The following ADIPOR2 variants were observed in gnomAD, a reference collection of about 807,000 sequenced individuals.
ADIPOR2 encodes adiponectin receptor protein 2.
A neutral mutation model predicts 40.9 loss-of-function variants in ADIPOR2; 18 were observed. That is an observed-to-expected ratio of 0.44 (90% confidence interval 0.30 to 0.65). The LOEUF is 0.65. Among genes scored for constraint, ADIPOR2 ranks in the 30% least tolerant of loss-of-function variants. The pLI, the probability that ADIPOR2 is intolerant of heterozygous loss-of-function variation, is 0.09. For missense variants in ADIPOR2, 283 were observed against 479.2 expected, an observed-to-expected ratio of 0.59 and a Z score of 3.82; for synonymous variants, 165 against 166.4, an observed-to-expected ratio of 0.99 and a Z score of 0.06.
chr12:1,777,815 C>T (rs1171851888), intron 3 of ADIPOR2, 39 bp from the exon 4 acceptor site: 1 of 1,582,752 alleles, frequency 6.3e-7, no homozygotes, highest in Admixed American at 1.8e-5. Flanking sequence ...AAATTGACAA[C>T]TAAAATCACA....
chr12:1,753,179 A>G (rs1426791955), intron 1 of ADIPOR2, among the ~76,000 whole-genome samples: 8 of 152,192 alleles, frequency 5.3e-5, no homozygotes, highest in Admixed American at 5.2e-4. Context: ...TTCCCCACTA[A>G]GAACCTTGAA....
intron 1 of ADIPOR2, among the ~76,000 whole-genome samples, chr12:1,721,298 C>T (rs35018150): frequency 0.14 from 21,242 of 148,536 alleles, 1,634 homozygotes; most frequent in Admixed American, 0.24. Flanking sequence ...TCACTGCAAC[C>T]TCCACCTCCC....
At chr12:1,721,182 C>T (rs1400609573) in intron 1 of ADIPOR2, among the ~76,000 whole-genome samples, 3 of 150,110 alleles carry the variant, frequency 2.0e-5, no homozygotes, top group Non-Finnish European at 4.4e-5. Context: ...GGAGCGTCCT[C>T]AACCTAGGCA....
rs1169281305 is a variant in ADIPOR2, at chr12:1,780,191, T to C, written c.464-260T>C. The C allele has an allele frequency of 2.8e-5, 9 of 324,720 alleles. No homozygotes were observed. The East Asian group carries it at 4.2e-4, about 15-fold the overall frequency. 20.1% of individuals were successfully genotyped at this position (324,720 alleles called of 1,614,324 possible). On this transcript the variant is annotated intron_variant, in intron 4 of 7. Coordinates refer to ENST00000357103, the MANE Select transcript of ADIPOR2 (RefSeq NM_024551.3). ...TCTTCTAAGAAGTAGCAGCAGTGTC[T>C]GATTTCTTTTTAGATTATGCCCTTA... is the stretch of plus-strand genomic sequence containing the variant.
chr12:1,720,145 G>A (rs1430810187), intron 1 of ADIPOR2, among the ~76,000 whole-genome samples: 2 of 152,182 alleles, frequency 1.3e-5, no homozygotes, highest in South Asian at 2.1e-4. Flanking sequence ...AAAGAATAAA[G>A]GAGTTAGTAT....
chr12:1,773,660 G>T (rs1862531967), intron 3 of ADIPOR2, among the ~76,000 whole-genome samples: 2 of 151,802 alleles, frequency 1.3e-5, no homozygotes, highest in African/African-American at 4.8e-5. Flanking sequence ...AATGTAAGTC[G>T]ATCAGTCTGT....
intron 1 of ADIPOR2, among the ~76,000 whole-genome samples, chr12:1,723,833 T>C: frequency 6.6e-6 from 1 of 152,116 alleles, no homozygotes; most frequent in Non-Finnish European, 1.5e-5. Context: ...GGGTATATAC[T>C]CAAAAGAACT....
At chr12:1,778,219 T>A in intron 4 of ADIPOR2, 194 bp downstream of exon 4, 2 of 557,432 alleles carry the variant, frequency 3.6e-6, no homozygotes, top group Non-Finnish European at 5.7e-6. Flanking sequence ...TGTTATAACT[T>A]AAGTTATATT....
At chr12:1,720,990 G>C (rs1445165707) in intron 1 of ADIPOR2, among the ~76,000 whole-genome samples, 2 of 152,064 alleles carry the variant, frequency 1.3e-5, no homozygotes, top group Non-Finnish European at 2.9e-5. Context: ...TAACCTGGAA[G>C]CTCCCTCCCT....
intron 1 of ADIPOR2, among the ~76,000 whole-genome samples, chr12:1,724,689 T>G (rs747374347): frequency 2.4e-4 from 37 of 152,178 alleles, no homozygotes; most frequent in Non-Finnish European, 4.7e-4. Flanking sequence ...CTAATTTTTT[T>G]GTTTTGTTTT....
intron 1 of ADIPOR2, among the ~76,000 whole-genome samples, chr12:1,712,582 C>T (rs1329844862): frequency 3.3e-5 from 5 of 152,068 alleles, no homozygotes. Flanking sequence ...GAAGTTTTGT[C>T]TTGTGGGAAG....
intron 1 of ADIPOR2, among the ~76,000 whole-genome samples, chr12:1,707,250 A>G (rs1440213178): frequency 6.6e-6 from 1 of 152,184 alleles, no homozygotes; most frequent in South Asian, 2.1e-4. Flanking sequence ...CTTTTTGTGG[A>G]CTTAAGTTTT....
At chr12:1,778,061 C>T (rs1862636290) in intron 4 of ADIPOR2, 36 bp downstream of exon 4, 5 of 1,570,448 alleles carry the variant, frequency 3.2e-6, no homozygotes, top group Non-Finnish European at 4.3e-6. Context: ...GCTGGTGATT[C>T]ACTTTCTTCC....
chr12:1,770,065 G>A (rs545709944), intron 2 of ADIPOR2, among the ~76,000 whole-genome samples: 1 of 151,802 alleles, frequency 6.6e-6, no homozygotes, highest in East Asian at 1.9e-4. Flanking sequence ...CTGCAGACAG[G>A]CACGCAACAC....
chr12:1,757,909 G>A, intron 2 of ADIPOR2: 1 of 841,416 alleles, frequency 1.2e-6, no homozygotes, highest in Non-Finnish European at 2.1e-6. Flanking sequence ...AACTTGTGGG[G>A]ACTAGTGGAT....
intron 2 of ADIPOR2, among the ~76,000 whole-genome samples, chr12:1,767,620 A>C (rs1163762575): frequency 1.3e-5 from 2 of 152,190 alleles, no homozygotes; most frequent in Non-Finnish European, 2.9e-5. Flanking sequence ...TCAACTTGTA[A>C]AAAGACCATA....
chr12:1,753,742 T>A (rs552163073), intron 1 of ADIPOR2, among the ~76,000 whole-genome samples: 2 of 152,348 alleles, frequency 1.3e-5, no homozygotes, highest in South Asian at 4.1e-4. Context: ...TTGTGATGTT[T>A]AAATGAGATT....
At position 1,785,967 on chromosome 12, in the gene ADIPOR2, T is replaced by C. The variant is rs760094751; in HGVS notation, c.1056T>C (p.His352=). 9 of 1,614,196 alleles carry C rather than the reference T, an allele frequency of 5.6e-6. No individual in the cohort carries two copies. The highest frequency in any genetic ancestry group is 7.6e-6 in the Non-Finnish European group (9 of 1,180,026). Residue 352 remains histidine, a synonymous_variant, in exon 8 of 8, where the codon CAT becomes CAC. Transcript: ENST00000357103. ...AGTTTCACTCTCATCAGCTGTTTCA[T>C]ATCTTTGTGGTTGCTGGAGCTTTTG... ...DIWFHSHQLF[H]IFVVAGAFVH...
At chr12:1,724,544 T>C (rs1271372809) in intron 1 of ADIPOR2, among the ~76,000 whole-genome samples, 1 of 152,222 alleles carries the variant, frequency 6.6e-6, no homozygotes, top group Non-Finnish European at 1.5e-5. Context: ...TTGCAAGTTG[T>C]AGAGTTCTAG....
Sources: allele counts gnomAD v4.1 joint callset (sites outside exome capture counted in the v4.1 genomes callset), GRCh38; gene constraint gnomAD v4.1.1; transcripts MANE v1.5; gene names NCBI Gene and HGNC (gene_info 2026-07-23, HGNC 2026-07-21).